The following STK38L variants were observed in gnomAD, a reference collection of about 807,000 sequenced individuals.
The protein encoded by STK38L is serine/threonine-protein kinase 38-like.
A neutral mutation model predicts 59.7 loss-of-function variants in STK38L; 28 were observed. The observed-to-expected ratio is 0.47, with a 90% CI of 0.35 to 0.64. The LOEUF is 0.64. Ranked by LOEUF, STK38L falls within the 30% of genes least tolerant of loss-of-function variation. The pLI is 0.01. For synonymous variants in STK38L, 162 were observed against 176.8 expected (o/e 0.92, Z 0.66); for missense variants, 314 against 555.8 (o/e 0.56, Z 4.37).
intron 1 of STK38L, among the ~76,000 whole-genome samples, chr12:27,282,343 T>C (rs1406787300): frequency 6.6e-6 from 1 of 152,224 alleles, no homozygotes; most frequent in Non-Finnish European, 1.5e-5. Flanking sequence ...TGGTATGATA[T>C]CAGCTATTTA....
At chr12:27,286,927 G>C (rs1943785704) in intron 1 of STK38L, among the ~76,000 whole-genome samples, 1 of 151,992 alleles carries the variant, frequency 6.6e-6, no homozygotes, top group African/African-American at 2.4e-5. Context: ...TGATTCACTA[G>C]TAAAATTGAA....
chr12:27,276,118 A>G (rs978169872), intron 1 of STK38L, among the ~76,000 whole-genome samples: 2 of 152,226 alleles, frequency 1.3e-5, no homozygotes, highest in African/African-American at 4.8e-5. Context: ...AAATTTAAGT[A>G]TACACAAAAG....
At chr12:27,317,785 T>G (rs1944622465) in intron 10 of STK38L, 111 bp from the exon 11 acceptor site, 3 of 1,338,198 alleles carry the variant, frequency 2.2e-6, no homozygotes, top group Non-Finnish European at 2.0e-6. Flanking sequence ...CATTTTTGAC[T>G]GTTAAATAGA....
intron 1 of STK38L, among the ~76,000 whole-genome samples, chr12:27,266,363 TG>T (rs780515823): frequency 1.3e-5 from 2 of 152,150 alleles, no homozygotes; most frequent in African/African-American, 2.4e-5. Context: ...GGAAGTCTAG[TG>T]GAAAAACTTT....
rs532369511 is a variant in STK38L at position 27,271,658 on chromosome 12, A to C, written c.-11-26052A>C. ...CTAAAAGACTACAGCTATTTGGGAG[A>C]CAGCTAACCATATTTGAAATGTGTC... On this transcript the variant is annotated intron_variant, in intron 1 of 13. Coordinates refer to ENST00000389032, the MANE Select transcript of STK38L (RefSeq NM_015000.4). 2.6e-5 allele frequency among the ~76,000 whole-genome samples: 4 copies of C among 152,246 alleles called. No homozygotes were observed. The East Asian group carries it at 7.7e-4, about 29-fold the overall frequency.
intron 1 of STK38L, among the ~76,000 whole-genome samples, chr12:27,252,910 T>C (rs752138329): frequency 1.3e-5 from 2 of 152,194 alleles, no homozygotes; most frequent in African/African-American, 2.4e-5. Flanking sequence ...AAATAGATGT[T>C]TGGCCCTCCA....
At chr12:27,253,971 C>G (rs1943032512) in intron 1 of STK38L, among the ~76,000 whole-genome samples, 1 of 152,204 alleles carries the variant, frequency 6.6e-6, no homozygotes, top group Non-Finnish European at 1.5e-5. Flanking sequence ...CACTCCCAAC[C>G]TGGAGTGCAG....
chr12:27,269,886 G>T (rs543884155), intron 1 of STK38L, among the ~76,000 whole-genome samples: 2 of 152,154 alleles, frequency 1.3e-5, no homozygotes, highest in Non-Finnish European at 2.9e-5. Flanking sequence ...CAGGTTATCC[G>T]CCCACCTTGG....
chr12:27,266,436 C>T (rs1943302656), intron 1 of STK38L, among the ~76,000 whole-genome samples: 1 of 152,162 alleles, frequency 6.6e-6, no homozygotes, highest in Non-Finnish European at 1.5e-5. Context: ...TTGAACTTTA[C>T]TTAAGTAACA....
At chr12:27,246,313 A>G (rs1388074100) in intron 1 of STK38L, among the ~76,000 whole-genome samples, 6 of 122,142 alleles carry the variant, frequency 4.9e-5, no homozygotes, top group Admixed American at 1.8e-4. Flanking sequence ...GATCCAGGAT[A>G]AGTTGGAGGC....
chr12:27,319,231 C>T (rs1944665349), intron 11 of STK38L, 97 bp from the exon 12 acceptor site: 2 of 739,836 alleles, frequency 2.7e-6, no homozygotes, highest in Admixed American at 5.7e-5. Context: ...AAAAGAAAAA[C>T]ATTATATTTC....
chr12:27,271,225 C>T (rs1473925701), intron 1 of STK38L, among the ~76,000 whole-genome samples: 5 of 152,200 alleles, frequency 3.3e-5, no homozygotes, highest in Admixed American at 6.5e-5. Context: ...CAGTTTTAGA[C>T]GTAGATTCAT....
rs372302458 is a variant in STK38L at position 27,313,173 on chromosome 12, G to A, written c.517+501G>A. The stretch of plus-strand genomic sequence containing the variant: ...TGAGGCAGGAGAATGGTGTGAACCC[G>A]GGAGGCGGAGCTTGCAGTGAGCCGA... On this transcript the variant is annotated intron_variant, in intron 6 of 13. Transcript: ENST00000389032. Among the ~76,000 whole-genome samples, 57 of 151,740 alleles carry A rather than the reference G, an allele frequency of 3.8e-4. 1 individual carries two copies. The East Asian group carries it at 8.0e-3, about 21-fold the overall frequency.
chr12:27,321,567 TTAAA>T (rs1240249898), intron 12 of STK38L, among the ~76,000 whole-genome samples: 2 of 152,194 alleles, frequency 1.3e-5, no homozygotes, highest in African/African-American at 4.8e-5. Flanking sequence ...ATACAATCTT[TTAAA>T]TAAAACCTCT....
intron 9 of STK38L, among the ~76,000 whole-genome samples, chr12:27,316,026 A>G (rs2136650613): frequency 6.6e-6 from 1 of 152,320 alleles, no homozygotes; most frequent in South Asian, 2.1e-4. Context: ...CTCATTTCTT[A>G]TAAAATGCCT....
intron 6 of STK38L, among the ~76,000 whole-genome samples, chr12:27,313,776 A>C (rs1944516630): frequency 1.3e-5 from 2 of 152,132 alleles, no homozygotes; most frequent in African/African-American, 4.8e-5. Context: ...ACAACAGTTA[A>C]AACTGTTAAA....
At chr12:27,254,664 A>T (rs1943051143) in intron 1 of STK38L, among the ~76,000 whole-genome samples, 1 of 152,172 alleles carries the variant, frequency 6.6e-6, no homozygotes, top group Non-Finnish European at 1.5e-5. Flanking sequence ...TTGTATTTCT[A>T]GGCCAGCGGT....
intron 1 of STK38L, among the ~76,000 whole-genome samples, chr12:27,251,158 TGGTAATTTC>T (rs1942968077): frequency 6.6e-6 from 1 of 152,212 alleles, no homozygotes; most frequent in African/African-American, 2.4e-5. Flanking sequence ...CTTCCTTTTT[TGGTAATTTC>T]CCCTTTAGGA....
At chr12:27,319,922 T>A (rs1417505743) in intron 12 of STK38L, among the ~76,000 whole-genome samples, 1 of 152,244 alleles carries the variant, frequency 6.6e-6, no homozygotes, top group South Asian at 2.1e-4. Flanking sequence ...TGATCTGTTC[T>A]CCACACAGCA....
Sources: gnomAD v4.1 joint callset for allele counts (sites outside exome capture counted in the v4.1 genomes callset) on GRCh38, gnomAD v4.1.1 for gene constraint, MANE v1.5 for transcripts, NCBI Gene and HGNC (gene_info 2026-07-23, HGNC 2026-07-21) for gene names.